MAP3K21: variants seen among roughly 807,000 people sequenced by gnomAD.
The protein encoded by MAP3K21 is mitogen-activated protein kinase kinase kinase MLK4.
A neutral mutation model predicts 86.1 loss-of-function variants in MAP3K21; 63 were observed. The ratio of observed to expected loss-of-function variants is 0.73; its 90% CI spans 0.60 to 0.90. The LOEUF (loss-of-function observed/expected upper bound fraction) is 0.90, where lower values mean the gene tolerates loss of function less well. Among genes scored for constraint, MAP3K21 ranks in the 40% least tolerant of loss-of-function variants. The pLI, the probability that MAP3K21 is intolerant of heterozygous loss-of-function variation, is 0.00. For synonymous variants in MAP3K21, 558 were observed against 564.8 expected, an observed-to-expected ratio of 0.99 and a Z score of 0.17; for missense variants, 1,220 against 1,367.7, an observed-to-expected ratio of 0.89 and a Z score of 1.70.
chr1:233,377,532 C>T (rs1025271616), intron 8 of MAP3K21, among the ~76,000 whole-genome samples: 3 of 152,094 alleles, frequency 2.0e-5, no homozygotes, highest in East Asian at 1.9e-4. Flanking sequence ...AAGAGGGTAC[C>T]CCAAACAAAA....
chr1:233,366,512 C>T (rs1168502381), intron 5 of MAP3K21, among the ~76,000 whole-genome samples: 1 of 152,152 alleles, frequency 6.6e-6, no homozygotes, highest in African/African-American at 2.4e-5. Flanking sequence ...GAAACAAATT[C>T]TAATACTGTT....
intron 9 of MAP3K21, among the ~76,000 whole-genome samples, chr1:233,380,055 G>C (rs963287500): frequency 4.3e-4 from 65 of 152,308 alleles, no homozygotes; most frequent in Non-Finnish European, 1.8e-4. Context: ...ACTGAAACTG[G>C]CCTCTCGCCT....
At position 233,382,756 on chromosome 1, in the gene MAP3K21, A is replaced by G. The variant is rs370705828; in HGVS notation, c.*45A>G. 1,954 of 1,499,378 alleles carry G rather than the reference A, an allele frequency of 1.3e-3. 31 individuals carry two copies. In the South Asian group the frequency reaches 0.017, roughly 13 times the overall value. The allele number at this position is 1,499,378 out of a possible 1,614,324, so 92.9% of individuals were successfully genotyped here. A position where few individuals can be genotyped will look rare whatever the true frequency, so the allele number is the denominator to read the frequency against. ...TTTAAGCATTTTTTTAAGGTGAACA[A>G]ATGAACACAATGTATCTACCTTTGA... On this transcript the variant is annotated 3_prime_UTR_variant, in exon 10 of 10. Coordinates refer to ENST00000366624, the MANE Select transcript of MAP3K21 (RefSeq NM_032435.3).
Position 233,339,286 on chromosome 1 carries a change from TTCTTCC to T in MAP3K21, c.806-7150_806-7145del, listed in dbSNP as rs1558450945. 6.7e-4 allele frequency among the ~76,000 whole-genome samples: 71 copies of T among 106,728 alleles called. 5 individuals are homozygous for T. The highest frequency in any genetic ancestry group is 2.5e-3 in the South Asian group (8 of 3,168). 70.0% of individuals were successfully genotyped at this position (106,728 alleles called of 152,430 possible). A position where few individuals can be genotyped will look rare whatever the true frequency, so the allele number is the denominator to read the frequency against. Reference sequence around the variant, plus strand: ...CTTCTTCCTCTTCTTCTTCTTCTTCTTCTTCCTCTTCTTCTTCCTCTTCTTCTTCCT... The same window carrying T: ...CTTCTTCCTCTTCTTCTTCTTCTTCTTCTTCTTCTTCCTCTTCTTCTTCCT... On this transcript the variant is annotated intron_variant, in intron 1 of 9. Coordinates refer to ENST00000366624, the MANE Select transcript of MAP3K21 (RefSeq NM_032435.3).
intron 4 of MAP3K21, among the ~76,000 whole-genome samples, chr1:233,357,241 C>T (rs1041692079): frequency 4.6e-5 from 7 of 151,922 alleles, no homozygotes; most frequent in African/African-American, 1.7e-4. Context: ...ACATTACACA[C>T]CAGGGTGTGT....
chr1:233,382,527 G>A lies in MAP3K21; in HGVS notation c.2927G>A (p.Gly976Asp). The change falls in exon 10 of 10, where the codon GGT (glycine) becomes GAT (aspartate). Residue 976 changes from glycine to aspartate, a missense_variant. By Grantham distance (94) the Gly-to-Asp change is moderately conservative (BLOSUM62 -1). Transcript: ENST00000366624. ...CTGGCACAGACTGCCTGTGTAGTGG[G>A]TCGCCCAGGACCACATCCCACCCAA... is the stretch of plus-strand genomic sequence containing the variant. ...SQLAQTACVV[G>D]RPGPHPTQFL... The A allele has an allele frequency of 6.2e-7, 1 of 1,614,106 alleles. No individual in the cohort carries two copies. The highest frequency in any genetic ancestry group is 1.6e-4 in the Middle Eastern group (1 of 6,062).
At chr1:233,360,812 T>A (rs1415270021) in intron 4 of MAP3K21, among the ~76,000 whole-genome samples, 1 of 152,226 alleles carries the variant, frequency 6.6e-6, no homozygotes, top group Non-Finnish European at 1.5e-5. Flanking sequence ...ACTGTGTTTT[T>A]TCATGGATCA....
chr1:233,334,128 G>C (rs1257751523), intron 1 of MAP3K21, among the ~76,000 whole-genome samples: 1 of 149,638 alleles, frequency 6.7e-6, no homozygotes, highest in East Asian at 2.0e-4. Context: ...GCCGCCCAAA[G>C]TACTGGGATT....
At chr1:233,351,961 G>T (rs147437745) in intron 2 of MAP3K21, among the ~76,000 whole-genome samples, 2 of 152,098 alleles carry the variant, frequency 1.3e-5, no homozygotes, top group South Asian at 4.2e-4. Context: ...CAATCACAGC[G>T]CACTGCAGCC....
intron 5 of MAP3K21, among the ~76,000 whole-genome samples, chr1:233,368,467 A>G (rs954518546): frequency 2.0e-5 from 3 of 152,106 alleles, no homozygotes; most frequent in African/African-American, 7.2e-5. Flanking sequence ...CAGCCTGGGC[A>G]ACATGGTGAA....
At chr1:233,339,380 TCTC>T (rs1662989419) in intron 1 of MAP3K21, among the ~76,000 whole-genome samples, 9 of 50,838 alleles carry the variant, frequency 1.8e-4, no homozygotes, top group East Asian at 2.2e-3. Context: ...TTCTCCTTCT[TCTC>T]CTTCTTCTCC....
Position 233,379,560 on chromosome 1 carries a change from A to G in MAP3K21, c.2554A>G (p.Met852Val). 2 of 1,614,222 alleles carry G rather than the reference A, an allele frequency of 1.2e-6. No individual in the cohort carries two copies. The highest frequency in any genetic ancestry group is 1.7e-6 in the Non-Finnish European group (2 of 1,180,044). Reference protein sequence around the residue: ...APGSGREPALMPRLDTDCSVS... With the variant: ...APGSGREPALVPRLDTDCSVS... ...AGGAAGTGGTCGTGAGCCAGCCCTC[A>G]TGCCAAGACTTGACACTGATTGTAG... is the stretch of plus-strand genomic sequence containing the variant. Residue 852 changes from methionine to valine, a missense_variant, in exon 9 of 10, where the codon ATG (methionine) becomes GTG (valine). By Grantham distance (21) the Met-to-Val change is conservative. Transcript: ENST00000366624.
intron 4 of MAP3K21, among the ~76,000 whole-genome samples, chr1:233,359,489 G>C (rs188818759): frequency 6.6e-6 from 1 of 152,152 alleles, no homozygotes; most frequent in East Asian, 1.9e-4. Flanking sequence ...TCCCTTTCTT[G>C]TCCACAGATT....
chr1:233,365,544 C>G (rs1663557521), intron 5 of MAP3K21, among the ~76,000 whole-genome samples: 1 of 152,106 alleles, frequency 6.6e-6, no homozygotes, highest in Non-Finnish European at 1.5e-5. Context: ...ATCGCTAATC[C>G]TCAGGGAAAT....
At chr1:233,364,815 A>G (rs1663542339) in intron 5 of MAP3K21, among the ~76,000 whole-genome samples, 1 of 152,210 alleles carries the variant, frequency 6.6e-6, no homozygotes. Flanking sequence ...ATCTACTGCT[A>G]TAATCCTGAC....
chr1:233,349,131 C>G (rs72755605), intron 2 of MAP3K21, among the ~76,000 whole-genome samples: 2,631 of 152,270 alleles, frequency 0.017, 33 homozygotes, highest in Non-Finnish European at 0.025. Context: ...GAGCCTCACC[C>G]CTTGATGAAT....
intron 2 of MAP3K21, among the ~76,000 whole-genome samples, chr1:233,346,950 A>C (rs762759865): frequency 6.6e-6 from 1 of 152,182 alleles, no homozygotes; most frequent in Admixed American, 6.5e-5. Context: ...ATCATGGCTC[A>C]TTGTAGCCTC....
intron 9 of MAP3K21, 53 bp downstream of exon 9, chr1:233,379,763 T>A: frequency 7.8e-7 from 1 of 1,286,500 alleles, no homozygotes; most frequent in Non-Finnish European, 1.1e-6. Flanking sequence ...GAGATTAGTA[T>A]GTGAAACAGT....
At chr1:233,378,426 T>G (rs937790528) in intron 8 of MAP3K21, among the ~76,000 whole-genome samples, 1 of 152,226 alleles carries the variant, frequency 6.6e-6, no homozygotes, top group African/African-American at 2.4e-5. Flanking sequence ...AATTTACATT[T>G]CTACAAATTC....
Sources: gnomAD v4.1 joint callset for allele counts (sites outside exome capture counted in the v4.1 genomes callset) on GRCh38, gnomAD v4.1.1 for gene constraint, MANE v1.5 for transcripts, NCBI Gene and HGNC (gene_info 2026-07-23, HGNC 2026-07-21) for gene names.